COL24A1: variants seen among roughly 807,000 people sequenced by gnomAD.
The protein encoded by COL24A1 is collagen alpha-1(XXIV) chain.
COL24A1 carries 224 observed loss-of-function variants against 253.9 expected under a neutral mutation model. That is an observed-to-expected ratio of 0.88 (90% CI 0.79 to 0.99). COL24A1 has a LOEUF of 0.99. COL24A1 is among the 50% of genes least tolerant of loss of function. The pLI, the probability that COL24A1 is intolerant of heterozygous loss-of-function variation, is 0.00. For missense variants in COL24A1, 2,131 were observed against 2,068.5 expected (o/e 1.03, Z -0.59); for synonymous variants, 685 against 673.7 (o/e 1.02, Z -0.26).
chr1:85,730,722 C>T (rs760667663), intron 59 of COL24A1, 30 bp from the exon 60 acceptor site: 70 of 1,610,408 alleles, frequency 4.3e-5, no homozygotes, highest in Admixed American at 2.7e-4. Flanking sequence ...TGCTTTCATA[C>T]GCATTTCATT....
At chr1:85,937,305 G>T (rs1257495543) in intron 24 of COL24A1, among the ~76,000 whole-genome samples, 1 of 147,666 alleles carries the variant, frequency 6.8e-6, no homozygotes, top group East Asian at 2.1e-4. Context: ...GAGCAAGAGA[G>T]GTTGCTTGAG....
At chr1:85,779,406 A>T (rs1668926663) in intron 52 of COL24A1, among the ~76,000 whole-genome samples, 2 of 152,032 alleles carry the variant, frequency 1.3e-5, no homozygotes, top group African/African-American at 4.8e-5. Context: ...CCTTTGGATA[A>T]TTATATCTGG....
intron 52 of COL24A1, among the ~76,000 whole-genome samples, chr1:85,778,722 A>T (rs1196482747): frequency 6.6e-6 from 1 of 150,616 alleles, no homozygotes; most frequent in Non-Finnish European, 1.5e-5. Context: ...CTCCTGCCTC[A>T]GCCTCCCAGG....
intron 14 of COL24A1, among the ~76,000 whole-genome samples, chr1:86,026,134 A>G (rs1230244996): frequency 5.3e-5 from 8 of 152,230 alleles, no homozygotes; most frequent in Admixed American, 4.6e-4. Context: ...AGGTGCTCAC[A>G]TTGTTTTAAT....
At chr1:85,885,393 A>ATTTT (rs202227831) in intron 32 of COL24A1, among the ~76,000 whole-genome samples, 3 of 116,466 alleles carry the variant, frequency 2.6e-5, no homozygotes, top group Non-Finnish European at 5.4e-5. Flanking sequence ...ATATATATAT[A>ATTTT]TATATTTTTT....
chr1:85,838,738 T>C (rs1676288389), intron 42 of COL24A1, 100 bp from the exon 43 acceptor site: 2 of 1,069,822 alleles, frequency 1.9e-6, no homozygotes, highest in Admixed American at 4.2e-5. Context: ...TTGTCAAAAA[T>C]ATAAAACCAA....
chr1:85,857,982 G>T (rs1451315095), intron 37 of COL24A1, among the ~76,000 whole-genome samples: 1 of 152,146 alleles, frequency 6.6e-6, no homozygotes. Context: ...AAAATCTAGG[G>T]TTTATTATTT....
At chr1:85,830,001 A>G (rs999643681) in intron 43 of COL24A1, among the ~76,000 whole-genome samples, 1 of 151,636 alleles carries the variant, frequency 6.6e-6, no homozygotes, top group Non-Finnish European at 1.5e-5. Flanking sequence ...GAGGCGCTCT[A>G]CTTTTCAGAG....
At chr1:85,960,213 G>A (rs1690888217) in intron 24 of COL24A1, among the ~76,000 whole-genome samples, 2 of 152,086 alleles carry the variant, frequency 1.3e-5, no homozygotes, top group African/African-American at 2.4e-5. Context: ...CCATATAGAA[G>A]AAAATTTTTT....
chr1:86,124,851 T>C lies in COL24A1; in HGVS notation c.1485A>G (p.Gly495=). The change falls in exon 3 of 60, where the codon GGA becomes GGG. Residue 495 remains glycine (G), a synonymous_variant. Transcript: ENST00000370571. ...EYLRGPKGDT[G]PPGPPGPAGI... is the part of the protein sequence containing the mutation. ...TAAAAAAAAAAAAACTTACGGGAGGTCCAGTGTCTCCTTTTGGCCCTCTCA... is the reference window on the plus strand; with the variant it reads ...TAAAAAAAAAAAAACTTACGGGAGGCCCAGTGTCTCCTTTTGGCCCTCTCA... 1.3e-6 allele frequency: 2 copies of C among 1,532,426 alleles called. No homozygotes were observed. Among genetic ancestry groups the C allele is most frequent in the Non-Finnish European group, 8.7e-7 (1 of 1,149,782 alleles). 94.9% of individuals were successfully genotyped at this position (1,532,426 alleles called of 1,614,324 possible).
chr1:85,766,189 A>C (rs1667347122), intron 53 of COL24A1, among the ~76,000 whole-genome samples: 1 of 151,894 alleles, frequency 6.6e-6, no homozygotes, highest in Non-Finnish European at 1.5e-5. Flanking sequence ...AACATGGTGA[A>C]ATCCCGTTTC....
At chr1:86,114,788 A>G (rs1302689390) in intron 4 of COL24A1, among the ~76,000 whole-genome samples, 1 of 152,250 alleles carries the variant, frequency 6.6e-6, no homozygotes, top group Non-Finnish European at 1.5e-5. Context: ...GTTTTGTAGT[A>G]AAATATCCAC....
intron 57 of COL24A1, among the ~76,000 whole-genome samples, chr1:85,741,079 A>G (rs12756898): frequency 1.3e-5 from 2 of 149,894 alleles, no homozygotes; most frequent in African/African-American, 4.9e-5. Context: ...AGATCGAGCC[A>G]CTGCACTCCA....
chr1:86,110,977 C>T (rs1365113024), intron 5 of COL24A1, among the ~76,000 whole-genome samples: 4 of 152,222 alleles, frequency 2.6e-5, no homozygotes, highest in East Asian at 3.9e-4. Context: ...GTTGCCCCTG[C>T]ATGACATCCG....
intron 24 of COL24A1, among the ~76,000 whole-genome samples, chr1:85,924,858 A>G (rs1039808933): frequency 2.6e-5 from 4 of 152,224 alleles, no homozygotes; most frequent in Admixed American, 6.5e-5. Flanking sequence ...AGGGTATTCA[A>G]TTAGGAAAAG....
intron 31 of COL24A1, among the ~76,000 whole-genome samples, chr1:85,891,209 C>T (rs1353294014): frequency 6.7e-6 from 1 of 148,512 alleles, no homozygotes; most frequent in Admixed American, 6.8e-5. Context: ...CGCCACCACG[C>T]CCGGCTAATT....
rs143562143 is a variant in COL24A1, at chr1:85,834,197, A to T, written c.3681+4388T>A. 3.3e-5 allele frequency among the ~76,000 whole-genome samples: 5 copies of T among 152,276 alleles called. No individual in the cohort carries two copies. In the East Asian group the frequency reaches 9.6e-4, roughly 29 times the overall value. ...AAGTAGGACAAAGTAACTAGATTCC[A>T]GAAACATTTAAGAATCAAAAGAAGT... On this transcript the variant is annotated intron_variant, in intron 43 of 59. Transcript: ENST00000370571.
intron 47 of COL24A1, among the ~76,000 whole-genome samples, chr1:85,795,006 G>A (rs1478127009): frequency 6.6e-6 from 1 of 152,156 alleles, no homozygotes; most frequent in Non-Finnish European, 1.5e-5. Context: ...AAAGAAACAA[G>A]TACTTCGATC....
At chr1:86,067,889 A>G in intron 7 of COL24A1, among the ~76,000 whole-genome samples, 1 of 152,210 alleles carries the variant, frequency 6.6e-6, no homozygotes, top group Middle Eastern at 3.2e-3. Flanking sequence ...CAGGAAGAAT[A>G]ACAAAAAAGT....
Sources: gnomAD v4.1 joint callset for allele counts (sites outside exome capture counted in the v4.1 genomes callset) on GRCh38, gnomAD v4.1.1 for gene constraint, MANE v1.5 for transcripts, NCBI Gene and HGNC (gene_info 2026-07-23, HGNC 2026-07-21) for gene names.